GLB1: variants seen among roughly 807,000 people sequenced by gnomAD.
GLB1 encodes beta-galactosidase.
In GLB1, 56 loss-of-function variants were observed where a neutral mutation model predicts 74.0. That is an observed-to-expected ratio of 0.76 (90% CI 0.61 to 0.94). The LOEUF (loss-of-function observed/expected upper bound fraction) is 0.94. GLB1 is among the 40% of genes least tolerant of loss of function. The probability of loss-of-function intolerance (pLI) is 0.00; values close to 1 mark genes in which losing one functional copy is unlikely to be tolerated. For missense variants in GLB1, 787 were observed against 845.5 expected, an observed-to-expected ratio of 0.93 and a Z score of 0.86; for synonymous variants, 323 against 323.6, an observed-to-expected ratio of 1.00 and a Z score of 0.02.
intron 9 of GLB1, 128 bp downstream of exon 9, chr3:33,051,630 A>T: frequency 7.3e-7 from 1 of 1,364,440 alleles, no homozygotes. Context: ...GAAAAAGAAA[A>T]AAAAAGAAAA....
At chr3:33,057,796 G>A (rs1390491087) in intron 6 of GLB1, among the ~76,000 whole-genome samples, 1 of 152,174 alleles carries the variant, frequency 6.6e-6, no homozygotes, top group Non-Finnish European at 1.5e-5. Context: ...AGCTGGAGAT[G>A]CCTACCTGCT....
chr3:33,065,755 G>A (rs1283796537), intron 4 of GLB1, among the ~76,000 whole-genome samples, 198 bp from the exon 5 acceptor site: 1 of 152,142 alleles, frequency 6.6e-6, no homozygotes, highest in African/African-American at 2.4e-5. Flanking sequence ...ATCACCAGAT[G>A]TCGGGAGTTC....
intron 5 of GLB1, among the ~76,000 whole-genome samples, chr3:33,061,321 C>A (rs72856135): frequency 6.6e-6 from 1 of 151,950 alleles, no homozygotes; most frequent in Non-Finnish European, 1.5e-5. Flanking sequence ...GGCTCAGGTG[C>A]GAGAATTGCT....
At chr3:33,091,640 C>G (rs1700767496) in intron 1 of GLB1, 7 of 984,254 alleles carry the variant, frequency 7.1e-6, no homozygotes, top group Non-Finnish European at 6.0e-6. Flanking sequence ...GAGGTAGATA[C>G]GATAATTATC....
chr3:33,054,166 T>C (rs949237786), intron 6 of GLB1, among the ~76,000 whole-genome samples: 3 of 152,182 alleles, frequency 2.0e-5, no homozygotes, highest in African/African-American at 7.2e-5. Flanking sequence ...TCTGCTGGCA[T>C]CTTAATTTTG....
In GLB1 at chr3:33,014,248, C is replaced by T. The variant is rs1697149925; in HGVS notation, c.1542G>A (p.Leu514=). The T allele has an allele frequency of 1.2e-6, 2 of 1,614,066 alleles. No individual in the cohort carries two copies. The highest frequency in any genetic ancestry group is 1.7e-6 in the Non-Finnish European group (2 of 1,180,008). The part of the protein sequence containing the change: ...NILTDWTIFP[L]DTEDAVCSHL... Reference sequence around the variant, plus strand: ...GGCTGCACACTGCATCCTCAGTGTCCAGTGGAAAGATCGTCCAGTCCGTGA... The same window carrying T: ...GGCTGCACACTGCATCCTCAGTGTCTAGTGGAAAGATCGTCCAGTCCGTGA... Residue 514 remains leucine, a synonymous_variant, in exon 15 of 16, where the codon CTG becomes CTA. Coordinates refer to ENST00000307363, the MANE Select transcript of GLB1 (RefSeq NM_000404.4).
chr3:33,059,246 C>T (rs7628722), intron 5 of GLB1, among the ~76,000 whole-genome samples: 48 of 1,798 alleles, frequency 0.027, 1 homozygote, highest in Middle Eastern at 0.25. Context: ...ATAAAACATA[C>T]ACACACACAC....
At chr3:33,004,611 T>C (rs1206848404) in intron 15 of GLB1, among the ~76,000 whole-genome samples, 4 of 152,228 alleles carry the variant, frequency 2.6e-5, no homozygotes, top group South Asian at 4.1e-4. Flanking sequence ...TTTCTCAGGA[T>C]TGCTGAGAAC....
At chr3:33,077,859 A>C (rs542139747) in intron 1 of GLB1, among the ~76,000 whole-genome samples, 72 of 152,170 alleles carry the variant, frequency 4.7e-4, no homozygotes, top group African/African-American at 8.2e-4. Flanking sequence ...CAAAAAAAAA[A>C]CATAAAAATC....
intron 1 of GLB1, among the ~76,000 whole-genome samples, chr3:33,087,427 G>T (rs981278552): frequency 6.6e-6 from 1 of 151,950 alleles, no homozygotes; most frequent in Non-Finnish European, 1.5e-5. Flanking sequence ...AAAATTAGCC[G>T]GGTGTGGTGG....
At position 32,997,004 on chromosome 3, in the gene GLB1, A is replaced by G. The variant is rs1157506533; in HGVS notation, c.*41T>C. ...GCATGACAGGGAGGATCTGTGAGGT[A>G]TGTTCAGGGTAGAATCCCTCAAAGA... On this transcript the variant is annotated 3_prime_UTR_variant, in exon 16 of 16. Coordinates refer to ENST00000307363, the MANE Select transcript of GLB1 (RefSeq NM_000404.4). 1.2e-6 allele frequency: 2 copies of G among 1,613,780 alleles called. No homozygotes were observed. Among genetic ancestry groups the G allele is most frequent in the Non-Finnish European group, 1.7e-6 (2 of 1,179,896 alleles).
At chr3:33,018,886 T>C (rs1190756554) in intron 12 of GLB1, among the ~76,000 whole-genome samples, 1 of 152,170 alleles carries the variant, frequency 6.6e-6, no homozygotes, top group Non-Finnish European at 1.5e-5. Context: ...GCAAAAGTTA[T>C]GGATGTTAGC....
chr3:33,068,078 G>C, intron 4 of GLB1, 152 bp downstream of exon 4: 1 of 1,060,832 alleles, frequency 9.4e-7, no homozygotes, highest in South Asian at 1.3e-5. Flanking sequence ...GTAGGGGCGA[G>C]GTTTTGCCAT....
At chr3:33,019,296 A>G (rs987241092) in intron 12 of GLB1, among the ~76,000 whole-genome samples, 1 of 152,244 alleles carries the variant, frequency 6.6e-6, no homozygotes, top group Non-Finnish European at 1.5e-5. Context: ...GCCTCAAACA[A>G]TCAGCCTCAG....
chr3:33,087,579 G>GCGCACACACA (rs1374529518), intron 1 of GLB1, among the ~76,000 whole-genome samples: 1 of 141,802 alleles, frequency 7.1e-6, no homozygotes, highest in African/African-American at 2.7e-5. Flanking sequence ...CAGCATGCGC[G>GCGCACACACA]CACACACACA....
chr3:33,006,932 C>T (rs909946125), intron 15 of GLB1, among the ~76,000 whole-genome samples: 1 of 152,164 alleles, frequency 6.6e-6, no homozygotes, highest in African/African-American at 2.4e-5. Context: ...CAACCCCACA[C>T]CGCAACTGCC....
chr3:32,993,297 T>C (rs1044545570), downstream of GLB1, among the ~76,000 whole-genome samples: 5 of 151,996 alleles, frequency 3.3e-5, no homozygotes, highest in Non-Finnish European at 5.9e-5. Flanking sequence ...AAGTAGGTAG[T>C]GTAAGGTGGA....
downstream of GLB1, among the ~76,000 whole-genome samples, chr3:32,993,164 A>G (rs182783766): frequency 1.2e-3 from 183 of 152,316 alleles, no homozygotes; most frequent in African/African-American, 4.3e-3. Flanking sequence ...CAGAAGACAT[A>G]TTTCTTGTTG....
Position 33,089,485 on chromosome 3 carries a change from A to T in GLB1, c.75+7526T>A, listed in dbSNP as rs150465938. ...ACTTGAATAGACATTTCTCCAAAGAAGGTATACAGGTGGCCAACAAGCCCA... is the reference window on the plus strand; with the variant it reads ...ACTTGAATAGACATTTCTCCAAAGATGGTATACAGGTGGCCAACAAGCCCA... On this transcript the variant is annotated intron_variant, in intron 1 of 15. Transcript: ENST00000307363. Among the ~76,000 whole-genome samples the T allele has an allele frequency of 9.5e-4, 145 of 152,364 alleles. No individual in the cohort carries two copies. The East Asian group carries it at 0.019, about 20-fold the overall frequency.
Sources: gnomAD v4.1 joint callset for allele counts (sites outside exome capture counted in the v4.1 genomes callset) on GRCh38, gnomAD v4.1.1 for gene constraint, MANE v1.5 for transcripts, NCBI Gene and HGNC (gene_info 2026-07-23, HGNC 2026-07-21) for gene names.